The following CCDC88C variants were observed in gnomAD, a reference collection of about 807,000 sequenced individuals.
CCDC88C encodes coiled-coil and HOOK domain protein 88C.
CCDC88C carries 131 observed loss-of-function variants against 198.8 expected under a neutral mutation model. That is an observed-to-expected ratio of 0.66 (90% CI 0.57 to 0.76). CCDC88C has a LOEUF of 0.76. Among genes scored for constraint, CCDC88C ranks in the 30% least tolerant of loss-of-function variants. The probability of loss-of-function intolerance (pLI) is 0.00; values close to 1 mark genes in which losing one functional copy is unlikely to be tolerated. For missense variants in CCDC88C, 2,553 were observed against 2,631.6 expected, an observed-to-expected ratio of 0.97 and a Z score of 0.65; for synonymous variants, 1,166 against 1,114.7, an observed-to-expected ratio of 1.05 and a Z score of -0.92.
At chr14:91,375,348 G>T (rs1340892825) in intron 3 of CCDC88C, among the ~76,000 whole-genome samples, 2 of 152,182 alleles carry the variant, frequency 1.3e-5, no homozygotes, top group Non-Finnish European at 2.9e-5. Flanking sequence ...CAGAAACAAT[G>T]CCCTTCAATT....
Position 91,371,903 on chromosome 14 carries a change from C to G in CCDC88C, c.271-12192G>C, listed in dbSNP as rs368027794. Among the ~76,000 whole-genome samples the G allele has an allele frequency of 6.6e-6, 1 of 152,160 alleles. No individual in the cohort carries two copies. Among genetic ancestry groups the G allele is most frequent in the Non-Finnish European group, 1.5e-5 (1 of 68,014 alleles). The stretch of plus-strand genomic sequence containing the variant: ...GTGGAGGGCACCTAGGAGCCTCCAG[C>G]GGTAGATGGCAGCCCAGACCACCCC... On this transcript the variant is annotated intron_variant, in intron 3 of 29. Coordinates refer to ENST00000389857, the MANE Select transcript of CCDC88C (RefSeq NM_001080414.4). The surrounding 1 kb of genome is among the most constrained non-coding windows in gnomAD (Gnocchi z 4.2).
intron 3 of CCDC88C, among the ~76,000 whole-genome samples, chr14:91,401,980 G>A (rs1886229600): frequency 6.6e-6 from 1 of 152,020 alleles, no homozygotes; most frequent in Non-Finnish European, 1.5e-5. Flanking sequence ...TTCTATTCTC[G>A]CTTTTGACAA....
chr14:91,321,752 G>A (rs564224935), intron 12 of CCDC88C, among the ~76,000 whole-genome samples: 1 of 152,304 alleles, frequency 6.6e-6, no homozygotes, highest in East Asian at 1.9e-4. Context: ...GGCCATGGGT[G>A]GTAGAAAGCT....
intron 27 of CCDC88C, chr14:91,281,246 C>T: frequency 7.8e-7 from 1 of 1,284,882 alleles, no homozygotes; most frequent in Non-Finnish European, 1.1e-6. Context: ...AACTGTGATG[C>T]TTGGGAGGTA....
chr14:91,316,829 G>T (rs755579011), intron 13 of CCDC88C, among the ~76,000 whole-genome samples: 1 of 152,118 alleles, frequency 6.6e-6, no homozygotes, highest in East Asian at 1.9e-4. Context: ...CCTATACTCC[G>T]GTCCATCCCC....
chr14:91,405,705 G>A (rs1204385441), intron 3 of CCDC88C, among the ~76,000 whole-genome samples: 1 of 152,104 alleles, frequency 6.6e-6, no homozygotes, highest in African/African-American at 2.4e-5. Flanking sequence ...CTTGCTACTT[G>A]TCTGTTTTCT....
Position 91,416,840 on chromosome 14 carries a change from T to C in CCDC88C, c.61-2A>G. ...TCCAAACGGGCCAAAAGTTTTCACC[T>C]GCGGGGAGGGGGACGAGGAGAGAAA... On this transcript the variant is annotated splice_acceptor_variant, in intron 1 of 29. Coordinates refer to ENST00000389857, the MANE Select transcript of CCDC88C (RefSeq NM_001080414.4). LOFTEE classifies it high-confidence loss of function. 1 of 1,608,304 alleles carries C rather than the reference T, an allele frequency of 6.2e-7. No homozygotes were observed. Among genetic ancestry groups the C allele is most frequent in the African/African-American group, 1.3e-5 (1 of 74,956 alleles).
chr14:91,358,909 G>C (rs1353116344), intron 4 of CCDC88C, among the ~76,000 whole-genome samples: 2 of 152,136 alleles, frequency 1.3e-5, no homozygotes, highest in African/African-American at 4.8e-5. Flanking sequence ...ACAGATCAAT[G>C]AGCTCCGTCA....
At chr14:91,308,242 C>T in intron 17 of CCDC88C, 109 bp downstream of exon 17, 1 of 1,296,724 alleles carries the variant, frequency 7.7e-7, no homozygotes, top group Non-Finnish European at 1.1e-6. Context: ...TCTACCCCTG[C>T]CCTAGAAAAT....
intron 3 of CCDC88C, among the ~76,000 whole-genome samples, chr14:91,396,414 T>C (rs1406000425): frequency 6.6e-6 from 1 of 152,220 alleles, no homozygotes; most frequent in Non-Finnish European, 1.5e-5. Context: ...CCTCCCACTT[T>C]GGCGTTTAGG....
chr14:91,345,183 TA>T (rs1395665264), intron 4 of CCDC88C, among the ~76,000 whole-genome samples: 29 of 70,170 alleles, frequency 4.1e-4, no homozygotes, highest in Non-Finnish European at 4.6e-4. Context: ...TATATATATA[TA>T]TATATATTTT....
intron 19 of CCDC88C, among the ~76,000 whole-genome samples, chr14:91,304,501 A>G (rs1596047727): frequency 1.3e-5 from 2 of 152,200 alleles, no homozygotes; most frequent in East Asian, 3.8e-4. Flanking sequence ...AGGCAGGAGG[A>G]CTGCTTGAGC....
chr14:91,386,973 A>G (rs1450341752), intron 3 of CCDC88C, among the ~76,000 whole-genome samples: 1 of 152,250 alleles, frequency 6.6e-6, no homozygotes, highest in African/African-American at 2.4e-5. Flanking sequence ...CTAAGCGCCC[A>G]GCACCATTCT....
chr14:91,283,493 C>T lies in CCDC88C; in HGVS notation c.4466G>A (p.Arg1489Gln), dbSNP rs780613012. The change falls in exon 26 of 30, where the codon CGA becomes CAA. Residue 1489 changes from arginine (R) to glutamine (Q), a missense_variant. By Grantham distance (43) the Arg-to-Gln change is conservative (BLOSUM62 1). Transcript: ENST00000389857. ...GKGPGDLKPKRGSPHRGSLDR... is the reference protein window; with the variant it reads ...GKGPGDLKPKQGSPHRGSLDR... The stretch of plus-strand genomic sequence containing the variant: ...AAGGCTGCCTCTGTGTGGGGAGCCT[C>T]GCTTTGGTTTTAGATCCCCAGGGCC... The T allele has an allele frequency of 1.3e-5, 21 of 1,611,560 alleles. 1 individual carries two copies. Among genetic ancestry groups the T allele is most frequent in the South Asian group, 8.8e-5 (8 of 90,398 alleles).
At position 91,352,944 on chromosome 14, in the gene CCDC88C, A is replaced by G. The variant is rs1893881869; in HGVS notation, c.340+6698T>C. 1.3e-5 allele frequency among the ~76,000 whole-genome samples: 2 copies of G among 152,336 alleles called. No individual in the cohort carries two copies. Among genetic ancestry groups the G allele is most frequent in the African/African-American group, 2.4e-5 (1 of 41,584 alleles). On this transcript the variant is annotated intron_variant, in intron 4 of 29. Coordinates refer to ENST00000389857, the MANE Select transcript of CCDC88C (RefSeq NM_001080414.4). The surrounding 1 kb of genome is among the most constrained non-coding windows in gnomAD (Gnocchi z 4.2). ...TGGGTTGCCAGGATGGAGGTCAGTA[A>G]GCCTGGGGCACACCCAGCCCTCACA...
intron 23 of CCDC88C, among the ~76,000 whole-genome samples, chr14:91,292,515 C>G (rs899942367): frequency 1.3e-5 from 2 of 152,184 alleles, no homozygotes; most frequent in Non-Finnish European, 2.9e-5. Flanking sequence ...TACAAACCAT[C>G]CTCCCGAAGG....
intron 21 of CCDC88C, among the ~76,000 whole-genome samples, chr14:91,299,055 G>A (rs988071439): frequency 1.3e-5 from 2 of 152,244 alleles, no homozygotes; most frequent in Non-Finnish European, 2.9e-5. Flanking sequence ...CACTGAATTA[G>A]TGAACAGCGA....
chr14:91,323,780 T>G (rs1003732608), intron 12 of CCDC88C, among the ~76,000 whole-genome samples: 3 of 152,208 alleles, frequency 2.0e-5, no homozygotes, highest in Non-Finnish European at 4.4e-5. Flanking sequence ...CGCCCCCAAC[T>G]TGGACTTCCA....
In CCDC88C at chr14:91,414,607, A is replaced by C. The variant is rs539544339; in HGVS notation, c.161+2131T>G. 4.6e-5 allele frequency among the ~76,000 whole-genome samples: 7 copies of C among 152,168 alleles called. No homozygotes were observed. The South Asian group carries it at 1.5e-3, about 32-fold the overall frequency. ...CAAAAACACTATTCTGACTTCTATC[A>C]CCTGGAACTGGGTGATTCTGATGAC... On this transcript the variant is annotated intron_variant, in intron 2 of 29. Coordinates refer to ENST00000389857, the MANE Select transcript of CCDC88C (RefSeq NM_001080414.4).
Sources: allele counts gnomAD v4.1 joint callset (sites outside exome capture counted in the v4.1 genomes callset), GRCh38; gene constraint gnomAD v4.1.1; non-coding constraint Gnocchi (gnomAD v3.1); transcripts MANE v1.5; gene names NCBI Gene and HGNC (gene_info 2026-07-23, HGNC 2026-07-21).